The following USP11 variants were observed in gnomAD, a reference collection of about 807,000 sequenced individuals.
USP11 encodes ubiquitin specific peptidase 11.
Under a neutral mutation model 72.8 loss-of-function variants are expected in USP11, and 5 were observed. That is an observed-to-expected ratio of 0.07 (90% confidence interval 0.04 to 0.14). The LOEUF is 0.14. Among genes scored for constraint, USP11 ranks in the 10% least tolerant of loss-of-function variants. The pLI is 1.00. For synonymous variants in USP11, 368 were observed against 326.5 expected, an observed-to-expected ratio of 1.13 and a Z score of -1.37; for missense variants, 480 against 794.7, an observed-to-expected ratio of 0.60 and a Z score of 4.76.
rs775741228 is a variant in USP11, at chrX:47,247,820, C to A, written c.2653C>A (p.Gln885Lys). 1.9e-5 allele frequency: 23 copies of A among 1,205,384 alleles called. No homozygotes were observed. Among genetic ancestry groups the A allele is most frequent in the Non-Finnish European group, 2.5e-5 (22 of 893,748 alleles). The change falls in exon 21 of 21, where the codon CAA becomes AAA. Residue 885 changes from glutamine to lysine, a missense_variant. Around this residue, in one of 5 missense-constraint regions of USP11, gnomAD observed 314 missense variants for 556.0 expected, o/e 0.56. Transcript: ENST00000377107. ...ESKAAYVLFY[Q>K]RQDVARRLLS... ...CAAGGCAGCCTATGTCCTCTTCTAC[C>A]AACGCCAGGACGTGGCGCGACGCCT... is the stretch of plus-strand genomic sequence containing the variant.
chrX:47,234,009 T>C (rs780629167), intron 1 of USP11: 2 of 112,218 alleles, frequency 1.8e-5, no homozygotes, highest in African/African-American at 3.2e-5. Context: ...TTTTAAAAAA[T>C]AGAATTTTGA....
intron 1 of USP11, among the ~76,000 whole-genome samples, chrX:47,235,617 C>T (rs890640429): frequency 1.0e-4 from 11 of 109,805 alleles, no homozygotes; most frequent in African/African-American, 3.7e-4. Context: ...CACTCCCTCC[C>T]TGTCTCCATC....
Position 47,247,170 on chromosome X carries a change from A to C in USP11, c.2369A>C (p.Tyr790Ser), listed in dbSNP as rs1371259211. Residue 790 changes from tyrosine (Y) to serine (S), a missense_variant, in exon 18 of 21, where the codon TAC becomes TCC. Coordinates refer to ENST00000377107, the MANE Select transcript of USP11 (RefSeq NM_001371072.1). ...ATCATCCACCTGAAACGCTTTTCCTACACCAAGTTCTCCCGAGAGAAGCTG... is the reference window on the plus strand; with the variant it reads ...ATCATCCACCTGAAACGCTTTTCCTCCACCAAGTTCTCCCGAGAGAAGCTG... ...ILIIHLKRFS[Y>S]TKFSREKLDT... 1 of 1,211,044 alleles carries C rather than the reference A, an allele frequency of 8.3e-7. No homozygotes were observed. Among genetic ancestry groups the C allele is most frequent in the East Asian group, 3.0e-5 (1 of 33,807 alleles).
Position 47,244,679 on chromosome X carries a change from T to C in USP11, c.1844-3T>C, listed in dbSNP as rs2055422545. ...TCCCATCTCTGACATCCTCCTGTCC[T>C]AGAAGATGACGAGGAGGATAAAGAT... On this transcript the variant is annotated splice_polypyrimidine_tract_variant and splice_region_variant and intron_variant, in intron 14 of 20. Coordinates refer to ENST00000377107, the MANE Select transcript of USP11 (RefSeq NM_001371072.1). 4.1e-6 allele frequency: 5 copies of C among 1,207,960 alleles called. No homozygotes were observed. Among genetic ancestry groups the C allele is most frequent in the African/African-American group, 1.7e-5 (1 of 57,390 alleles).
intron 1 of USP11, among the ~76,000 whole-genome samples, chrX:47,237,530 T>G (rs1236394155): frequency 9.0e-6 from 1 of 110,794 alleles, no homozygotes; most frequent in East Asian, 2.8e-4. Context: ...GGAGAATCGC[T>G]TGAACCCGGC....
At chrX:47,242,855 C>G (rs989015862) in intron 12 of USP11, 135 bp downstream of exon 12, 47 of 502,424 alleles carry the variant, frequency 9.4e-5, no homozygotes, top group Non-Finnish European at 1.3e-4. Context: ...CGCAGAGCTT[C>G]AGCCACATGC....
At chrX:47,239,559 A>G (rs2055391492) in intron 3 of USP11, 78 bp downstream of exon 3, 10 of 1,169,537 alleles carry the variant, frequency 8.6e-6, no homozygotes, top group East Asian at 3.0e-5. Context: ...GTACAGATCC[A>G]TGTATGCTGG....
intron 13 of USP11, 77 bp from the exon 14 acceptor site, chrX:47,244,421 T>C: frequency 1.8e-6 from 2 of 1,108,513 alleles, no homozygotes; most frequent in South Asian, 2.0e-5. Flanking sequence ...TGGCTTCCCA[T>C]TATCTTAAGT....
intron 19 of USP11, 78 bp from the exon 20 acceptor site, chrX:47,247,533 G>A: frequency 8.6e-7 from 1 of 1,157,230 alleles, no homozygotes; most frequent in South Asian, 1.8e-5. Flanking sequence ...TATCGTGGTG[G>A]GAGGAGTGAC....
chrX:47,234,527 G>A (rs1483410546), intron 1 of USP11, among the ~76,000 whole-genome samples: 1 of 111,342 alleles, frequency 9.0e-6, no homozygotes, highest in Non-Finnish European at 1.9e-5. Context: ...AAAATTTAGG[G>A]ATAAGAACGC....
At chrX:47,234,549 A>T (rs1346083712) in intron 1 of USP11, among the ~76,000 whole-genome samples, 1 of 111,819 alleles carries the variant, frequency 8.9e-6, no homozygotes, top group Admixed American at 9.5e-5. Flanking sequence ...TCGTGTAAGC[A>T]GTTTATTCTC....
At chrX:47,243,658 G>T in intron 13 of USP11, 56 bp downstream of exon 13, 1 of 1,089,934 alleles carries the variant, frequency 9.2e-7, no homozygotes, top group African/African-American at 1.8e-5. Flanking sequence ...TCCGACTTGG[G>T]TGTTTAGCTG....
At chrX:47,233,594 C>T in intron 1 of USP11, 3 of 784,535 alleles carry the variant, frequency 3.8e-6, no homozygotes, top group Non-Finnish European at 4.6e-6. Context: ...CTTTTGGGGG[C>T]GAGGAGCGGT....
chrX:47,247,579 G>T, intron 19 of USP11, 32 bp from the exon 20 acceptor site: 1 of 1,203,859 alleles, frequency 8.3e-7, no homozygotes, highest in Non-Finnish European at 1.1e-6. Context: ...AGGCAGGAAG[G>T]GTAGGCGAGG....
In USP11 at chrX:47,233,169, A is replaced by G; in HGVS notation, c.126A>G (p.Ile42Met). ...LPGLDSQWRQ[I>M]ENGESGRERP... ...GCCTGGACAGCCAGTGGCGCCAGAT[A>G]GAAAACGGCGAGAGTGGGCGAGAAC... The change falls in exon 1 of 21, where the codon ATA becomes ATG. Residue 42 changes from isoleucine to methionine, a missense_variant. By Grantham distance (10) the Ile-to-Met change is conservative. Transcript: ENST00000377107. The G allele has an allele frequency of 1.7e-6, 2 of 1,192,871 alleles. No individual in the cohort carries two copies. Among genetic ancestry groups the G allele is most frequent in the Non-Finnish European group, 2.3e-6 (2 of 885,231 alleles).
chrX:47,241,964 A>G, intron 9 of USP11, 118 bp from the exon 10 acceptor site: 1 of 826,753 alleles, frequency 1.2e-6, no homozygotes, highest in Non-Finnish European at 1.7e-6. Flanking sequence ...CCCTAGCTGG[A>G]GCTCTGCCTC....
At position 47,243,453 on chromosome X, in the gene USP11, T is replaced by C. The variant is rs1413874320; in HGVS notation, c.1641T>C (p.Val547=). 3 of 1,211,202 alleles carry C rather than the reference T, an allele frequency of 2.5e-6. No homozygotes were observed. In the South Asian group the frequency reaches 5.3e-5, roughly 21 times the overall value. Residue 547 remains valine, a synonymous_variant, in exon 13 of 21, where the codon GTT becomes GTC. Coordinates refer to ENST00000377107, the MANE Select transcript of USP11 (RefSeq NM_001371072.1). The part of the protein sequence containing the change: ...AIEGSREDIV[V]PVYLRERTPA... ...AGGGCTCAAGAGAGGACATCGTGGTTCCTGTCTACCTGCGGGAGCGCACCC... is the reference window on the plus strand; with the variant it reads ...AGGGCTCAAGAGAGGACATCGTGGTCCCTGTCTACCTGCGGGAGCGCACCC...
rs1413786326 is a variant in USP11 at position 47,239,367 on chromosome X, C to T, written c.303C>T (p.Arg101=). ...GCCCCACAGATGAGATAAACTGGCG[C>T]CTCAAGGAGGGACTGGTGGAAGGCG... ...ATLFQDEINW[R]LKEGLVEGED... The change falls in exon 3 of 21, where the codon CGC becomes CGT. Residue 101 remains arginine (R), a synonymous_variant. Transcript: ENST00000377107. The T allele has an allele frequency of 1.7e-6, 2 of 1,211,250 alleles. No individual in the cohort carries two copies. Among genetic ancestry groups the T allele is most frequent in the South Asian group, 3.5e-5 (2 of 56,749 alleles).
Position 47,241,692 on chromosome X carries a change from C to T in USP11, c.1172C>T (p.Pro391Leu). ...YVELCDAAGR[P>L]DQEVAQEAWQ... ...GAGCTGTGCGATGCTGCTGGGCGAC[C>T]GGATCAGGTAGGCTGCCCCCGCATT... The change falls in exon 9 of 21, where the codon CCG becomes CTG. Residue 391 changes from proline to leucine, a missense_variant. Physicochemically the swap from Pro to Leu is moderately conservative, Grantham distance 98. Coordinates refer to ENST00000377107, the MANE Select transcript of USP11 (RefSeq NM_001371072.1). The T allele has an allele frequency of 5.0e-6, 6 of 1,189,421 alleles. No homozygotes were observed. Among genetic ancestry groups the T allele is most frequent in the Non-Finnish European group, 3.4e-6 (3 of 886,038 alleles).
Sources: allele counts gnomAD v4.1 joint callset (sites outside exome capture counted in the v4.1 genomes callset), GRCh38; gene constraint gnomAD v4.1.1; regional missense constraint gnomAD v4.1.1; transcripts MANE v1.5; gene names NCBI Gene and HGNC (gene_info 2026-07-23, HGNC 2026-07-21).